PLCE1: variants seen among roughly 807,000 people sequenced by gnomAD.
PLCE1 encodes 1-phosphatidylinositol 4,5-bisphosphate phosphodiesterase epsilon-1.
A neutral mutation model predicts 242.8 loss-of-function variants in PLCE1; 119 were observed. The observed-to-expected ratio is 0.49, with a 90% CI of 0.42 to 0.57. The LOEUF (loss-of-function observed/expected upper bound fraction) is 0.57, where lower values mean the gene tolerates loss of function less well. Ranked by LOEUF, PLCE1 falls within the 20% of genes least tolerant of loss-of-function variation. The pLI, the probability that PLCE1 is intolerant of heterozygous loss-of-function variation, is 0.00. For synonymous variants in PLCE1, 945 were observed against 1,017.4 expected (o/e 0.93, Z 1.35); for missense variants, 2,441 against 2,788.8 (o/e 0.88, Z 2.81).
intron 23 of PLCE1, among the ~76,000 whole-genome samples, chr10:94,296,297 C>T (rs1003946941): frequency 1.6e-4 from 24 of 146,982 alleles, no homozygotes; most frequent in African/African-American, 5.8e-4. Context: ...ACCCGGGAGG[C>T]GGAGCTTGCA....
intron 2 of PLCE1, among the ~76,000 whole-genome samples, chr10:94,040,945 T>A (rs2061754184): frequency 6.6e-6 from 1 of 152,186 alleles, no homozygotes; most frequent in South Asian, 2.1e-4. Flanking sequence ...TATTGTCTGT[T>A]GGTGCTTTTA....
chr10:94,280,146 C>A (rs2052147297), intron 20 of PLCE1: 1 of 544,018 alleles, frequency 1.8e-6, no homozygotes, highest in South Asian at 2.1e-5. Context: ...GTCATTCCTA[C>A]GACAAGTTTC....
chr10:94,077,859 C>G (rs1277171360), intron 2 of PLCE1, among the ~76,000 whole-genome samples: 2 of 152,086 alleles, frequency 1.3e-5, no homozygotes, highest in African/African-American at 4.8e-5. Flanking sequence ...GATAAAGATA[C>G]AAAATTAAAA....
intron 21 of PLCE1, 71 bp downstream of exon 21, chr10:94,283,982 A>C (rs1564860417): frequency 2.4e-5 from 37 of 1,549,630 alleles, no homozygotes; most frequent in Non-Finnish European, 3.3e-5. Context: ...ATGAGATTCC[A>C]CTTGCTCCCT....
intron 4 of PLCE1, among the ~76,000 whole-genome samples, chr10:94,204,407 G>T (rs888571597): frequency 6.6e-6 from 1 of 152,156 alleles, no homozygotes; most frequent in Non-Finnish European, 1.5e-5. Context: ...GGTGGCTCAC[G>T]CCTGTAATCC....
chr10:94,276,482 TTTCCAGAAGA>T (rs1188395742), intron 19 of PLCE1, among the ~76,000 whole-genome samples: 1 of 152,204 alleles, frequency 6.6e-6, no homozygotes, highest in Non-Finnish European at 1.5e-5. Flanking sequence ...TAAGTCAGAA[TTTCCAGAAGA>T]AAGGCCTGGT....
At chr10:94,212,414 G>A (rs192437598) in intron 4 of PLCE1, among the ~76,000 whole-genome samples, 148 of 152,182 alleles carry the variant, frequency 9.7e-4, no homozygotes, top group Non-Finnish European at 1.8e-3. Flanking sequence ...CCACCACTAC[G>A]CCCAGCTGAT....
At chr10:94,134,271 G>A (rs1013254852) in intron 3 of PLCE1, among the ~76,000 whole-genome samples, 1 of 151,994 alleles carries the variant, frequency 6.6e-6, no homozygotes, top group Non-Finnish European at 1.5e-5. Flanking sequence ...GCTAATTTTT[G>A]TATTTTTAGT....
intron 2 of PLCE1, among the ~76,000 whole-genome samples, chr10:94,041,592 C>T (rs1026081229): frequency 2.0e-5 from 3 of 152,054 alleles, no homozygotes; most frequent in African/African-American, 7.2e-5. Context: ...TTCAGTGGGC[C>T]AAGAAGGAAA....
At chr10:94,115,456 A>G (rs1314631493) in intron 2 of PLCE1, among the ~76,000 whole-genome samples, 3 of 152,156 alleles carry the variant, frequency 2.0e-5, no homozygotes, top group African/African-American at 7.2e-5. Flanking sequence ...AATGATGGCC[A>G]TTCTAACTGG....
chr10:94,048,090 T>C (rs2043647121), intron 2 of PLCE1, among the ~76,000 whole-genome samples: 1 of 152,214 alleles, frequency 6.6e-6, no homozygotes, highest in Non-Finnish European at 1.5e-5. Context: ...TTTATACTTT[T>C]GTAGGTTGCT....
chr10:94,004,683 T>C (rs779430387), intron 1 of PLCE1, among the ~76,000 whole-genome samples: 1 of 152,182 alleles, frequency 6.6e-6, no homozygotes, highest in Non-Finnish European at 1.5e-5. Context: ...AATTTTGGAC[T>C]TTTTTTCAAC....
intron 30 of PLCE1, among the ~76,000 whole-genome samples, chr10:94,323,235 G>T (rs1300875267): frequency 6.6e-6 from 1 of 152,172 alleles, no homozygotes; most frequent in African/African-American, 2.4e-5. Flanking sequence ...TGGTTTCAGA[G>T]AAGTTTGCTT....
chr10:94,077,604 AT>A (rs1008032504), intron 2 of PLCE1, among the ~76,000 whole-genome samples: 1 of 152,158 alleles, frequency 6.6e-6, no homozygotes, highest in African/African-American at 2.4e-5. Flanking sequence ...TGCCAAAAAA[AT>A]ATAAATAAAT....
At position 94,134,449 on chromosome 10, in the gene PLCE1, A is replaced by G. The variant is rs543467202; in HGVS notation, c.1492+1990A>G. Among the ~76,000 whole-genome samples the G allele has an allele frequency of 1.6e-4, 25 of 152,328 alleles. No individual in the cohort carries two copies. The South Asian group carries it at 5.2e-3, about 32-fold the overall frequency. ...AACATATTTCTTTAACAATCAGTGG[A>G]ATAAAATGGATTAAAAACCCAGATG... On this transcript the variant is annotated intron_variant, in intron 3 of 32. Transcript: ENST00000371380.
chr10:94,113,615 C>T (rs780644357), intron 2 of PLCE1, among the ~76,000 whole-genome samples: 4 of 152,180 alleles, frequency 2.6e-5, no homozygotes, highest in Non-Finnish European at 5.9e-5. Flanking sequence ...ACACAGTTAT[C>T]TCCATTTTAC....
intron 24 of PLCE1, among the ~76,000 whole-genome samples, chr10:94,303,375 C>G (rs969964076): frequency 1.3e-5 from 2 of 152,072 alleles, no homozygotes; most frequent in African/African-American, 2.4e-5. Flanking sequence ...TGTGTAAGAG[C>G]CCAGAAACAG....
At chr10:94,078,124 T>C (rs777209198) in intron 2 of PLCE1, among the ~76,000 whole-genome samples, 7 of 152,246 alleles carry the variant, frequency 4.6e-5, no homozygotes, top group Non-Finnish European at 8.8e-5. Context: ...TCTCTGATGA[T>C]GTAGTTACAT....
chr10:94,164,006 T>C (rs186992464), intron 3 of PLCE1, among the ~76,000 whole-genome samples: 251 of 152,360 alleles, frequency 1.6e-3, no homozygotes, highest in Non-Finnish European at 2.4e-3. Context: ...TTGTAGAGTT[T>C]CTGCCGAGAG....
Sources: allele counts gnomAD v4.1 joint callset (sites outside exome capture counted in the v4.1 genomes callset), GRCh38; gene constraint gnomAD v4.1.1; transcripts MANE v1.5; gene names NCBI Gene and HGNC (gene_info 2026-07-23, HGNC 2026-07-21).